The following TMEM132D variants were observed in gnomAD, a reference collection of about 807,000 sequenced individuals.
TMEM132D encodes the protein transmembrane protein 132D.
Under a neutral mutation model 62.3 loss-of-function variants are expected in TMEM132D, and 21 were observed. That is an observed-to-expected ratio of 0.34 (90% confidence interval 0.24 to 0.49). TMEM132D has a LOEUF of 0.49. TMEM132D is among the 20% of genes least tolerant of loss of function. The pLI is 0.99. For missense variants in TMEM132D, 1,346 were observed against 1,402.8 expected, an observed-to-expected ratio of 0.96 and a Z score of 0.65; for synonymous variants, 621 against 575.6, an observed-to-expected ratio of 1.08 and a Z score of -1.13.
chr12:129,474,831 A>C (rs901586031), intron 3 of TMEM132D, among the ~76,000 whole-genome samples: 9 of 152,036 alleles, frequency 5.9e-5, no homozygotes, highest in African/African-American at 2.2e-4. Flanking sequence ...GATGACATTG[A>C]CCTCCAGAGG....
At chr12:129,511,441 C>T (rs1875493682) in intron 3 of TMEM132D, among the ~76,000 whole-genome samples, 1 of 152,158 alleles carries the variant, frequency 6.6e-6, no homozygotes, top group African/African-American at 2.4e-5. Context: ...CTGCTGTGGA[C>T]ACTTGGGTTA....
intron 3 of TMEM132D, among the ~76,000 whole-genome samples, chr12:129,473,211 A>G (rs1593026907): frequency 6.7e-6 from 1 of 150,268 alleles, no homozygotes; most frequent in South Asian, 2.1e-4. Context: ...AGCTACCACC[A>G]CCCGGATCAG....
intron 1 of TMEM132D, among the ~76,000 whole-genome samples, chr12:129,755,714 G>A (rs1173785732): frequency 6.6e-6 from 1 of 152,176 alleles, no homozygotes; most frequent in African/African-American, 2.4e-5. Flanking sequence ...GGAAGAGAAT[G>A]GGCTAGACTT....
At chr12:129,662,249 A>G (rs1478436440) in intron 2 of TMEM132D, among the ~76,000 whole-genome samples, 1 of 152,186 alleles carries the variant, frequency 6.6e-6, no homozygotes, top group Non-Finnish European at 1.5e-5. Context: ...GATAGAACAA[A>G]CTCACATTCA....
chr12:129,840,585 C>A (rs1248301499), intron 1 of TMEM132D: 2 of 152,158 alleles, frequency 1.3e-5, no homozygotes, highest in African/African-American at 4.8e-5. Context: ...TTTATGTCTC[C>A]GAGAAGGCAC....
intron 2 of TMEM132D, among the ~76,000 whole-genome samples, chr12:129,668,188 A>G (rs1414224466): frequency 6.7e-6 from 1 of 148,636 alleles, no homozygotes; most frequent in Non-Finnish European, 1.5e-5. Context: ...ATGTGTCCTA[A>G]GATTATGGGA....
chr12:129,785,379 G>A (rs539290321), intron 1 of TMEM132D, among the ~76,000 whole-genome samples: 1 of 152,274 alleles, frequency 6.6e-6, no homozygotes, highest in Admixed American at 6.5e-5. Flanking sequence ...TAGGACTTGA[G>A]CTTTCTCATA....
intron 3 of TMEM132D, among the ~76,000 whole-genome samples, chr12:129,503,873 C>G (rs977347787): frequency 1.3e-5 from 2 of 152,054 alleles, no homozygotes; most frequent in African/African-American, 4.8e-5. Context: ...CCTCCTCCTC[C>G]TCATCTTCTT....
intron 4 of TMEM132D, among the ~76,000 whole-genome samples, chr12:129,318,530 C>T (rs1051450368): frequency 6.6e-6 from 1 of 152,186 alleles, no homozygotes; most frequent in African/African-American, 2.4e-5. Context: ...ATAACAGTGG[C>T]TGTTCCAGTG....
rs3046711 is a variant in TMEM132D, at chr12:129,634,491, T to A, written c.968+65319A>T. Among the ~76,000 whole-genome samples, 124 of 126,738 alleles carry A rather than the reference T, an allele frequency of 9.8e-4. No individual in the cohort carries two copies. The East Asian group carries it at 0.019, about 19-fold the overall frequency. 83.1% of individuals were successfully genotyped at this position (126,738 alleles called of 152,430 possible). ...CTTGTCTCAAAAAAAAAAAAAAAAA[T>A]GAAATTTTTCAGGATGGCACTGTAG... is the stretch of plus-strand genomic sequence containing the variant. On this transcript the variant is annotated intron_variant, in intron 2 of 8. Transcript: ENST00000422113.
chr12:129,812,477 T>C (rs1420913962), intron 1 of TMEM132D, among the ~76,000 whole-genome samples: 1 of 151,794 alleles, frequency 6.6e-6, no homozygotes, highest in African/African-American at 2.4e-5. Context: ...TCCATCATCT[T>C]TGGCAAACTT....
chr12:129,513,214 A>T (rs538452830), intron 3 of TMEM132D, among the ~76,000 whole-genome samples: 34 of 152,270 alleles, frequency 2.2e-4, no homozygotes, highest in Admixed American at 1.6e-3. Context: ...GGGAGCATAC[A>T]TGTGTGAAGA....
intron 2 of TMEM132D, among the ~76,000 whole-genome samples, chr12:129,612,545 G>A (rs1004134794): frequency 6.6e-6 from 1 of 152,066 alleles, no homozygotes; most frequent in Non-Finnish European, 1.5e-5. Context: ...ACTCTTACAG[G>A]CTTAAAGCTT....
At chr12:129,719,817 A>G (rs903000459) in intron 1 of TMEM132D, among the ~76,000 whole-genome samples, 2 of 152,210 alleles carry the variant, frequency 1.3e-5, no homozygotes, top group Non-Finnish European at 2.9e-5. Flanking sequence ...TTTCACCCTG[A>G]CAGAGAAAAT....
At chr12:129,396,400 C>T (rs1871432584) in intron 3 of TMEM132D, among the ~76,000 whole-genome samples, 1 of 152,124 alleles carries the variant, frequency 6.6e-6, no homozygotes, top group Non-Finnish European at 1.5e-5. Flanking sequence ...AGGGGTGGAC[C>T]CGTGACCAAG....
At position 129,712,213 on chromosome 12, in the gene TMEM132D, C is replaced by G. The variant is rs7977321; in HGVS notation, c.80-11515G>C. Among the ~76,000 whole-genome samples the G allele has an allele frequency of 2.5e-3, 374 of 152,174 alleles. 2 individuals are homozygous for G. Among genetic ancestry groups the G allele is most frequent in the African/African-American group, 8.8e-3 (364 of 41,510 alleles). ...GATCTCGGCTCACTGCAACATCTGCCTCCCAGGTTCAAGCGATTCTCCTGC... is the reference window on the plus strand; with the variant it reads ...GATCTCGGCTCACTGCAACATCTGCGTCCCAGGTTCAAGCGATTCTCCTGC... On this transcript the variant is annotated intron_variant, in intron 1 of 8. Coordinates refer to ENST00000422113, the MANE Select transcript of TMEM132D (RefSeq NM_133448.3).
intron 4 of TMEM132D, among the ~76,000 whole-genome samples, chr12:129,263,862 G>A (rs1880617207): frequency 6.6e-6 from 1 of 152,162 alleles, no homozygotes; most frequent in Admixed American, 6.5e-5. Context: ...AGTGTATTCA[G>A]TACTGTGTGA....
At position 129,811,508 on chromosome 12, in the gene TMEM132D, T is replaced by C. The variant is rs572931603; in HGVS notation, c.79+91753A>G. On this transcript the variant is annotated intron_variant, in intron 1 of 8. Transcript: ENST00000422113. ...TCTCAGTTCCTTCACCCCATCTTTA[T>C]CATTTGGGGATGCAGAATTGGGACT... 4.6e-5 allele frequency among the ~76,000 whole-genome samples: 7 copies of C among 151,816 alleles called. No individual in the cohort carries two copies. The South Asian group carries it at 1.5e-3, about 32-fold the overall frequency.
chr12:129,837,569 A>G (rs1001706147), intron 1 of TMEM132D, among the ~76,000 whole-genome samples: 13 of 152,250 alleles, frequency 8.5e-5, no homozygotes, highest in Admixed American at 1.3e-4. Context: ...TATGCTTTAA[A>G]AGGTGAAAAC....
Sources: allele counts gnomAD v4.1 joint callset (sites outside exome capture counted in the v4.1 genomes callset), GRCh38; gene constraint gnomAD v4.1.1; transcripts MANE v1.5; gene names NCBI Gene and HGNC (gene_info 2026-07-23, HGNC 2026-07-21).